Variants in RFTN1 observed in about 807,000 individuals in gnomAD.
The protein encoded by RFTN1 is raftlin, lipid raft linker 1.
Under a neutral mutation model 46.5 loss-of-function variants are expected in RFTN1, and 26 were observed. The ratio of observed to expected loss-of-function variants is 0.56; its 90% CI spans 0.41 to 0.78. The LOEUF (loss-of-function observed/expected upper bound fraction) is 0.78. Among genes scored for constraint, RFTN1 ranks in the 30% least tolerant of loss-of-function variants. The probability of loss-of-function intolerance (pLI) is 0.00; values close to 1 mark genes in which losing one functional copy is unlikely to be tolerated. For synonymous variants in RFTN1, 261 were observed against 284.2 expected (o/e 0.92, Z 0.82); for missense variants, 693 against 718.7 (o/e 0.96, Z 0.41).
At chr3:16,355,101 G>A (rs1032395594) in intron 7 of RFTN1, among the ~76,000 whole-genome samples, 18 of 152,108 alleles carry the variant, frequency 1.2e-4, no homozygotes, top group Admixed American at 6.6e-4. Context: ...CCTCTCTACA[G>A]CTCTCCTCTT....
At position 16,426,324 on chromosome 3, in the gene RFTN1, T is replaced by C. The variant is rs1352322653; in HGVS notation, c.332+7527A>G. 1.3e-5 allele frequency among the ~76,000 whole-genome samples: 2 copies of C among 152,108 alleles called. No individual in the cohort carries two copies. The highest frequency in any genetic ancestry group is 2.9e-5 in the Non-Finnish European group (2 of 68,020). On this transcript the variant is annotated intron_variant, in intron 3 of 9. Transcript: ENST00000334133. This position sits in a 1 kb window ranked among gnomAD's most constrained non-coding sequence, Gnocchi z 5.9. ...AGAAGCCCTATAATTCTCCCAAGAGTCAAGGTAATTGGTAAAAATTAGACA... is the reference window on the plus strand; with the variant it reads ...AGAAGCCCTATAATTCTCCCAAGAGCCAAGGTAATTGGTAAAAATTAGACA...
At chr3:16,462,199 G>A (rs1387849878) in intron 2 of RFTN1, among the ~76,000 whole-genome samples, 1 of 152,130 alleles carries the variant, frequency 6.6e-6, no homozygotes, top group Non-Finnish European at 1.5e-5. Context: ...TGGTAATAAG[G>A]GAACCTGATT....
rs2075803452 is a variant in RFTN1 at position 16,450,389 on chromosome 3, G to A, written c.146-16352C>T. ...AAGAGATAGTGTCTGGCCACATCCA[G>A]GTGCACAGAGGTGGTGGCCTCAGAG... On this transcript the variant is annotated intron_variant, in intron 2 of 9. Transcript: ENST00000334133. This position sits in a 1 kb window ranked among gnomAD's most constrained non-coding sequence, Gnocchi z 4.6. 6.6e-6 allele frequency among the ~76,000 whole-genome samples: 1 copy of A among 152,222 alleles called. No homozygotes were observed. The highest frequency in any genetic ancestry group is 1.5e-5 in the Non-Finnish European group (1 of 68,048).
chr3:16,502,383 CAAAA>C (rs140019736), intron 1 of RFTN1, among the ~76,000 whole-genome samples: 5 of 70,940 alleles, frequency 7.0e-5, no homozygotes, highest in Non-Finnish European at 6.2e-5. Flanking sequence ...GACCTTGTCT[CAAAA>C]AAAAAAAAAA....
rs148693169 is a variant in RFTN1, at chr3:16,465,014, C to A, written c.145+28711G>T. Among the ~76,000 whole-genome samples the A allele has an allele frequency of 8.0e-3, 1,212 of 152,272 alleles. 17 individuals are homozygous for A. Among genetic ancestry groups the A allele is most frequent in the African/African-American group, 0.028 (1,145 of 41,552 alleles). On this transcript the variant is annotated intron_variant, in intron 2 of 9. Coordinates refer to ENST00000334133, the MANE Select transcript of RFTN1 (RefSeq NM_015150.2). This position sits in a 1 kb window ranked among gnomAD's most constrained non-coding sequence, Gnocchi z 5.1. ...TCCCATCACAATGATTTATTACAAT[C>A]ATTTTTTAAGATTAACACAACAAGG...
At position 16,480,983 on chromosome 3, in the gene RFTN1, G is replaced by GCA. The variant is rs1386638438; in HGVS notation, c.145+12740_145+12741dup. On this transcript the variant is annotated intron_variant, in intron 2 of 9. Coordinates refer to ENST00000334133, the MANE Select transcript of RFTN1 (RefSeq NM_015150.2). This position sits in a 1 kb window ranked among gnomAD's most constrained non-coding sequence, Gnocchi z 4.3. Reference sequence around the variant, plus strand: ...GCTTGGGTTACACACATATGCACATGCACACACACACACAGACACACACAC... The same window carrying GCA: ...GCTTGGGTTACACACATATGCACATGCACACACACACACACAGACACACACAC... Among the ~76,000 whole-genome samples, 15 of 123,676 alleles carry GCA rather than the reference G, an allele frequency of 1.2e-4. No homozygotes were observed. Among genetic ancestry groups the GCA allele is most frequent in the African/African-American group, 2.5e-4 (8 of 32,570 alleles). The allele number at this position is 123,676 out of a possible 152,430, so 81.1% of individuals were successfully genotyped here.
At chr3:16,505,295 AAG>A (rs760940763) in intron 1 of RFTN1, among the ~76,000 whole-genome samples, 3 of 152,156 alleles carry the variant, frequency 2.0e-5, no homozygotes, top group African/African-American at 4.8e-5. Flanking sequence ...AAGTCAGGCT[AAG>A]CTACTGCAAT....
chr3:16,461,701 C>T (rs1452853745), intron 2 of RFTN1, among the ~76,000 whole-genome samples: 2 of 152,222 alleles, frequency 1.3e-5, no homozygotes, highest in African/African-American at 2.4e-5. Context: ...AATTATCTGG[C>T]AGGCAGGGTC....
At chr3:16,485,127 A>C (rs1444030529) in intron 2 of RFTN1, among the ~76,000 whole-genome samples, 1 of 152,232 alleles carries the variant, frequency 6.6e-6, no homozygotes, top group Non-Finnish European at 1.5e-5. Flanking sequence ...TTTCCCCAAC[A>C]GAAGTGAAAA....
chr3:16,360,171 T>A (rs1461409141), intron 6 of RFTN1, among the ~76,000 whole-genome samples: 1 of 151,698 alleles, frequency 6.6e-6, no homozygotes, highest in African/African-American at 2.4e-5. Context: ...AAAATTGCAG[T>A]TTCTTTTTTT....
intron 4 of RFTN1, among the ~76,000 whole-genome samples, chr3:16,386,131 A>G (rs2074163648): frequency 6.6e-6 from 1 of 152,360 alleles, no homozygotes; most frequent in South Asian, 2.1e-4. Context: ...GGCTGTCAAA[A>G]TCCATTATTG....
At chr3:16,502,566 G>A (rs114871604) in intron 1 of RFTN1, among the ~76,000 whole-genome samples, 20 of 152,156 alleles carry the variant, frequency 1.3e-4, no homozygotes, top group Non-Finnish European at 1.2e-4. Context: ...GATTTCCCAG[G>A]CTACTTTATA....
In RFTN1 at chr3:16,317,819, C is replaced by T. The variant is rs1441094735; in HGVS notation, c.1333-587G>A. 1.4e-5 allele frequency among the ~76,000 whole-genome samples: 2 copies of T among 139,286 alleles called. No homozygotes were observed. Among genetic ancestry groups the T allele is most frequent in the African/African-American group, 6.4e-5 (2 of 31,436 alleles). 91.4% of individuals were successfully genotyped at this position (139,286 alleles called of 152,430 possible). ...ACCTCACAGAAGGGTCACACCAGGGCAACCTACAACCAATGACTGCCCCAG... is the reference window on the plus strand; with the variant it reads ...ACCTCACAGAAGGGTCACACCAGGGTAACCTACAACCAATGACTGCCCCAG... On this transcript the variant is annotated intron_variant, in intron 9 of 9. Transcript: ENST00000334133. This position sits in a 1 kb window ranked among gnomAD's most constrained non-coding sequence, Gnocchi z 4.3.
At position 16,361,566 on chromosome 3, in the gene RFTN1, C is replaced by A. The variant is rs1012786061; in HGVS notation, c.1031-3519G>T. On this transcript the variant is annotated intron_variant, in intron 6 of 9. Coordinates refer to ENST00000334133, the MANE Select transcript of RFTN1 (RefSeq NM_015150.2). This position sits in a 1 kb window ranked among gnomAD's most constrained non-coding sequence, Gnocchi z 4.3. The stretch of plus-strand genomic sequence containing the variant: ...TAAGCAAGCAAGGAACATGGATCTG[C>A]AGGGTTTGAGAGTTCCAGGAGGAAG... Among the ~76,000 whole-genome samples, 1 of 152,130 alleles carries A rather than the reference C, an allele frequency of 6.6e-6. No individual in the cohort carries two copies. The highest frequency in any genetic ancestry group is 1.5e-5 in the Non-Finnish European group (1 of 68,014).
intron 2 of RFTN1, among the ~76,000 whole-genome samples, chr3:16,482,433 A>G (rs2076381863): frequency 6.6e-6 from 1 of 152,174 alleles, no homozygotes; most frequent in Non-Finnish European, 1.5e-5. Context: ...GGCTCAATCA[A>G]AAAGAGAACA....
rs890114015 is a variant in RFTN1, at chr3:16,352,194, G to A, written c.1146+5738C>T. Among the ~76,000 whole-genome samples, 19 of 152,172 alleles carry A rather than the reference G, an allele frequency of 1.2e-4. No homozygotes were observed. Among genetic ancestry groups the A allele is most frequent in the African/African-American group, 4.1e-4 (17 of 41,444 alleles). On this transcript the variant is annotated intron_variant, in intron 7 of 9. Transcript: ENST00000334133. The surrounding 1 kb of genome is among the most constrained non-coding windows in gnomAD (Gnocchi z 4.6). Reference sequence around the variant, plus strand: ...GTAAGTGCTTTTTCTACTCTCTTATGTTCCATTCTGGCACCAAATTTCACG... The same window carrying A: ...GTAAGTGCTTTTTCTACTCTCTTATATTCCATTCTGGCACCAAATTTCACG...
intron 2 of RFTN1, among the ~76,000 whole-genome samples, chr3:16,464,907 C>T (rs371044350): frequency 1.2e-4 from 18 of 152,218 alleles, no homozygotes; most frequent in East Asian, 1.2e-3. Flanking sequence ...TTCAGTGACT[C>T]GCAAGTTAAC....
intron 2 of RFTN1, chr3:16,482,838 C>A: frequency 1.3e-6 from 2 of 1,535,998 alleles, no homozygotes; most frequent in South Asian, 2.4e-5. Context: ...AACAGCCTTT[C>A]TGCCATGAAG....
In RFTN1 at chr3:16,370,344, C is replaced by T. The variant is rs950232099; in HGVS notation, c.827-65G>A. On this transcript the variant is annotated intron_variant, in intron 5 of 9. Coordinates refer to ENST00000334133, the MANE Select transcript of RFTN1 (RefSeq NM_015150.2). This position sits in a 1 kb window ranked among gnomAD's most constrained non-coding sequence, Gnocchi z 5.5. ...AACTGATGATAAAAATCTGTTTCAT[C>T]GGCTTAAGTGGAATCTCTCAGGAGC... 2.4e-5 allele frequency: 36 copies of T among 1,478,772 alleles called. No homozygotes were observed. The highest frequency in any genetic ancestry group is 6.8e-5 in the East Asian group (3 of 44,004). 91.6% of individuals were successfully genotyped at this position (1,478,772 alleles called of 1,614,324 possible). A position where few individuals can be genotyped will look rare whatever the true frequency, so the allele number is the denominator to read the frequency against.
Sources: gnomAD v4.1 joint callset for allele counts (sites outside exome capture counted in the v4.1 genomes callset) on GRCh38, gnomAD v4.1.1 for gene constraint, Gnocchi (gnomAD v3.1) non-coding constraint, MANE v1.5 for transcripts, NCBI Gene and HGNC (gene_info 2026-07-23, HGNC 2026-07-21) for gene names.